The following HEATR1 variants were observed in gnomAD, a reference collection of about 807,000 sequenced individuals.
The protein encoded by HEATR1 is HEAT repeat-containing protein 1.
HEATR1 carries 77 observed loss-of-function variants against 248.2 expected under a neutral mutation model. The observed-to-expected ratio is 0.31, with a 90% CI of 0.26 to 0.37. The LOEUF is 0.37. Among genes scored for constraint, HEATR1 ranks in the 10% least tolerant of loss-of-function variants. The pLI is 1.00. For synonymous variants in HEATR1, 897 were observed against 923.1 expected, an observed-to-expected ratio of 0.97 and a Z score of 0.51; for missense variants, 2,420 against 2,504.9, an observed-to-expected ratio of 0.97 and a Z score of 0.72.
At chr1:236,573,572 T>C (rs1285911579) in intron 24 of HEATR1, among the ~76,000 whole-genome samples, 2 of 152,056 alleles carry the variant, frequency 1.3e-5, no homozygotes, top group African/African-American at 2.4e-5. Flanking sequence ...TGTAGTCATA[T>C]CCACTTTTCA....
rs747686210 is a variant in HEATR1 at position 236,595,496 on chromosome 1, C to G, written c.1090+44G>C. ...CAGGATATGGTTACTATTTTAAGAT[C>G]AAATCTTAGAAAATTTCTGGACAAA... On this transcript the variant is annotated intron_variant, in intron 8 of 44. Transcript: ENST00000366582. The G allele has an allele frequency of 8.5e-6, 13 of 1,525,228 alleles. No homozygotes were observed. In the Admixed American group the frequency reaches 2.5e-4, roughly 29 times the overall value. The allele number at this position is 1,525,228 out of a possible 1,614,324, so 94.5% of individuals were successfully genotyped here.
chr1:236,590,806 TA>T (rs775709761), intron 12 of HEATR1, 40 bp downstream of exon 12: 7 of 1,087,340 alleles, frequency 6.4e-6, no homozygotes, highest in Non-Finnish European at 8.9e-6. Context: ...CTGCTCATCA[TA>T]AGAAAAAAAA....
chr1:236,558,094 A>G, intron 36 of HEATR1, 143 bp downstream of exon 36: 7 of 917,954 alleles, frequency 7.6e-6, no homozygotes, highest in African/African-American at 1.7e-5. Flanking sequence ...GTGAGCCACC[A>G]CACCCTGCAA....
rs138586018 is a variant in HEATR1, at chr1:236,579,561, T to C, written c.2755+1661A>G. On this transcript the variant is annotated intron_variant, in intron 20 of 44. Transcript: ENST00000366582. ...CAATGGAATACTCTGCAGGCAGTTG[T>C]AAAAAGATAAATTTTTCCATTTATT... Among the ~76,000 whole-genome samples, 150 of 152,274 alleles carry C rather than the reference T, an allele frequency of 9.9e-4. 1 individual carries two copies. The highest frequency in any genetic ancestry group is 3.5e-3 in the African/African-American group (147 of 41,562).
At chr1:236,588,120 G>T in intron 12 of HEATR1, 77 bp from the exon 13 acceptor site, 3 of 1,125,104 alleles carry the variant, frequency 2.7e-6, no homozygotes, top group South Asian at 1.5e-5. Flanking sequence ...AGGAAGTATG[G>T]TTTTGTGAAA....
Position 236,569,037 on chromosome 1 carries a change from T to C in HEATR1, c.4036A>G (p.Ile1346Val). ...ATAACCATTTTCACTGTCTTGTTAA[T>C]AACTTGAAAACTGTAAGTATCATCT... Reference protein sequence around the residue: ...RLDDTYSFQVINKTVKMVIPA... With the variant: ...RLDDTYSFQVVNKTVKMVIPA... Residue 1346 changes from isoleucine to valine, a missense_variant, in exon 29 of 45, where the codon ATT becomes GTT. Transcript: ENST00000366582. 6.2e-7 allele frequency: 1 copy of C among 1,610,204 alleles called. No individual in the cohort carries two copies. Among genetic ancestry groups the C allele is most frequent in the Non-Finnish European group, 8.5e-7 (1 of 1,178,458 alleles).
rs764470713 is a variant in HEATR1 at position 236,569,078 on chromosome 1, G to A, written c.3995C>T (p.Ala1332Val). The A allele has an allele frequency of 1.9e-6, 3 of 1,605,008 alleles. No individual in the cohort carries two copies. Among genetic ancestry groups the A allele is most frequent in the Admixed American group, 1.7e-5 (1 of 58,496 alleles). ...AGTATCATCTAGGCGCATGACATTG[G>A]CTCCCATAAATGTAAAAATAGACAT... ...NIMSIFTFMG[A>V]NVMRLDDTYS... The change falls in exon 29 of 45, where the codon GCC becomes GTC. Residue 1332 changes from alanine (A) to valine (V), a missense_variant. Physicochemically the swap from Ala to Val is moderately conservative, Grantham distance 64. Coordinates refer to ENST00000366582, the MANE Select transcript of HEATR1 (RefSeq NM_018072.6).
intron 28 of HEATR1, among the ~76,000 whole-genome samples, chr1:236,570,481 G>A (rs895756614): frequency 6.6e-6 from 1 of 152,080 alleles, no homozygotes; most frequent in Non-Finnish European, 1.5e-5. Context: ...TGGTGACGGT[G>A]GCAGCGGCAG....
At chr1:236,594,138 G>A (rs753966145) in intron 8 of HEATR1, 24 bp from the exon 9 acceptor site, 1 of 1,450,740 alleles carries the variant, frequency 6.9e-7, no homozygotes, top group South Asian at 1.3e-5. Flanking sequence ...AATTAAAATT[G>A]TGTTGGGAAA....
chr1:236,556,509 A>G (rs747252601), intron 37 of HEATR1, among the ~76,000 whole-genome samples: 16 of 152,232 alleles, frequency 1.1e-4, no homozygotes, highest in Non-Finnish European at 1.5e-4. Flanking sequence ...ACCCAGACAG[A>G]TGATTTTCTT....
chr1:236,556,212 T>C lies in HEATR1; in HGVS notation c.5402A>G (p.Gln1801Arg). ...KITSEMGSAS[Q>R]ANIRLTSLKK... is the part of the protein sequence containing the mutation. ...AAGAGATGTGAGACGGATATTAGCC[T>C]GTGACGCAGAACCCATTTCACTAGT... Residue 1801 changes from glutamine to arginine, a missense_variant, in exon 38 of 45, where the codon CAG becomes CGG. Gln to Arg is a conservative substitution (Grantham distance 43). Coordinates refer to ENST00000366582, the MANE Select transcript of HEATR1 (RefSeq NM_018072.6). 6.2e-7 allele frequency: 1 copy of C among 1,614,084 alleles called. No homozygotes were observed. The highest frequency in any genetic ancestry group is 8.5e-7 in the Non-Finnish European group (1 of 1,180,012).
At chr1:236,600,960 A>C (rs1249284965) in intron 3 of HEATR1, among the ~76,000 whole-genome samples, 1 of 152,240 alleles carries the variant, frequency 6.6e-6, no homozygotes, top group Non-Finnish European at 1.5e-5. Context: ...CAAAACAGTA[A>C]TCAACGGCAA....
Position 236,563,065 on chromosome 1 carries a change from T to C in HEATR1, c.4599+1433A>G, listed in dbSNP as rs187744281. 5.3e-5 allele frequency among the ~76,000 whole-genome samples: 8 copies of C among 152,306 alleles called. No individual in the cohort carries two copies. In the East Asian group the frequency reaches 1.4e-3, roughly 26 times the overall value. ...TACTGAACTCATTATTAGTTCTAATTGCTGATTCTCTTCTTTCCTGATTCT... is the reference window on the plus strand; with the variant it reads ...TACTGAACTCATTATTAGTTCTAATCGCTGATTCTCTTCTTTCCTGATTCT... On this transcript the variant is annotated intron_variant, in intron 32 of 44. Coordinates refer to ENST00000366582, the MANE Select transcript of HEATR1 (RefSeq NM_018072.6).
At position 236,565,920 on chromosome 1, in the gene HEATR1, T is replaced by G; in HGVS notation, c.4434A>C (p.Glu1478Asp). 4.3e-6 allele frequency: 7 copies of G among 1,613,194 alleles called. No homozygotes were observed. The highest frequency in any genetic ancestry group is 5.9e-6 in the Non-Finnish European group (7 of 1,179,644). ...QYLLKLPEEKEETIPKAVSFN... is the reference protein window; with the variant it reads ...QYLLKLPEEKDETIPKAVSFN... ...AAGTGACACCCGATCTACGCTTACC[T>G]TCTTTTTCCTCTGGCAGCTTTAGTA... Residue 1478 changes from glutamate (E) to aspartate (D), a missense_variant and splice_region_variant, in exon 31 of 45, where the codon GAA becomes GAC. Transcript: ENST00000366582.
chr1:236,568,965 G>T, intron 29 of HEATR1, 31 bp downstream of exon 29: 8 of 1,278,720 alleles, frequency 6.3e-6, no homozygotes, highest in Admixed American at 3.8e-5. Context: ...ATTAAAAAAA[G>T]AAACCCCACG....
At chr1:236,587,344 G>T in intron 14 of HEATR1, 58 bp downstream of exon 14, 1 of 786,616 alleles carries the variant, frequency 1.3e-6, no homozygotes. Context: ...GAAATAGAAA[G>T]AACTTGATAT....
Position 236,550,917 on chromosome 1 carries a change from G to A in HEATR1, c.6420C>T (p.Leu2140=), listed in dbSNP as rs779462252. 2 of 1,606,250 alleles carry A rather than the reference G, an allele frequency of 1.2e-6. No individual in the cohort carries two copies. Among genetic ancestry groups the A allele is most frequent in the South Asian group, 1.1e-5 (1 of 89,508 alleles). Residue 2140 remains leucine (L), a synonymous_variant, in exon 45 of 45, where the codon CTC becomes CTT. Transcript: ENST00000366582. ...ACAGAAAGTCTTAGAAATAGCTCTG[G>A]AGTGGCTCTCCCAGGACAGTTTCCA... ...QQLETVLGEP[L]QSYF is the part of the protein sequence containing the mutation.
intron 21 of HEATR1, 117 bp downstream of exon 21, chr1:236,576,663 T>C: frequency 1.0e-6 from 1 of 958,690 alleles, no homozygotes; most frequent in Non-Finnish European, 1.5e-6. Context: ...TATCAGTTCC[T>C]AAATCCAATG....
chr1:236,585,147 T>C lies in HEATR1; in HGVS notation c.2119A>G (p.Ile707Val), dbSNP rs1012278529. Residue 707 changes from isoleucine to valine, a missense_variant, in exon 17 of 45, where the codon ATC becomes GTC. Physicochemically the swap from Ile to Val is conservative, Grantham distance 29. Coordinates refer to ENST00000366582, the MANE Select transcript of HEATR1 (RefSeq NM_018072.6). ...CAACAAGAGACGAGCACAGACAGGA[T>C]CACATGAAACGTTACTTTCTGCTTC... ...NLKQKVTFHVILSVLVSCCSS... is the reference protein window; with the variant it reads ...NLKQKVTFHVVLSVLVSCCSS... 3 of 1,613,948 alleles carry C rather than the reference T, an allele frequency of 1.9e-6. No homozygotes were observed. Among genetic ancestry groups the C allele is most frequent in the African/African-American group, 2.7e-5 (2 of 74,916 alleles).
Sources: gnomAD v4.1 joint callset for allele counts (sites outside exome capture counted in the v4.1 genomes callset) on GRCh38, gnomAD v4.1.1 for gene constraint, MANE v1.5 for transcripts, NCBI Gene and HGNC (gene_info 2026-07-23, HGNC 2026-07-21) for gene names.